Variants in ASIC2 observed in about 807,000 individuals in gnomAD.
The protein encoded by ASIC2 is acid-sensing ion channel 2.
In ASIC2, 25 loss-of-function variants were observed where a neutral mutation model predicts 57.3. The ratio of observed to expected loss-of-function variants is 0.44; its 90% CI spans 0.32 to 0.61. The LOEUF (loss-of-function observed/expected upper bound fraction) is 0.61. Among genes scored for constraint, ASIC2 ranks in the 20% least tolerant of loss-of-function variants. The probability of loss-of-function intolerance (pLI) is 0.06; values close to 1 mark genes in which losing one functional copy is unlikely to be tolerated. For synonymous variants in ASIC2, 319 were observed against 307.5 expected, an observed-to-expected ratio of 1.04 and a Z score of -0.39; for missense variants, 641 against 738.1, an observed-to-expected ratio of 0.87 and a Z score of 1.52.
At chr17:33,144,843 T>C (rs8077182) in intron 1 of ASIC2, among the ~76,000 whole-genome samples, 46,612 of 151,936 alleles carry the variant, frequency 0.31, 7,463 homozygotes, top group East Asian at 0.4. Flanking sequence ...GAAAACTCAC[T>C]CTCCTGAAGA....
intron 1 of ASIC2, among the ~76,000 whole-genome samples, chr17:33,132,963 T>C (rs1050936942): frequency 1.3e-5 from 2 of 152,236 alleles, no homozygotes; most frequent in Non-Finnish European, 2.9e-5. Context: ...AGGTCGTTTA[T>C]ATAGACAGAT....
At chr17:33,640,600 G>A (rs565781956) in intron 1 of ASIC2, among the ~76,000 whole-genome samples, 2 of 152,210 alleles carry the variant, frequency 1.3e-5, no homozygotes, top group South Asian at 4.1e-4. Flanking sequence ...ACTTTTAAGA[G>A]TTCTTATTCA....
chr17:33,591,033 A>G (rs1467873672), intron 1 of ASIC2, among the ~76,000 whole-genome samples: 1 of 152,166 alleles, frequency 6.6e-6, no homozygotes, highest in African/African-American at 2.4e-5. Flanking sequence ...CAACGTGCTC[A>G]AATGCTTGAT....
intron 5 of ASIC2, 105 bp downstream of exon 5, chr17:33,025,821 T>C (rs1158122646): frequency 4.3e-6 from 5 of 1,149,656 alleles, no homozygotes; most frequent in East Asian, 5.4e-5. Context: ...TCATCCTCTC[T>C]CCATTCCTTC....
intron 1 of ASIC2, among the ~76,000 whole-genome samples, chr17:33,389,645 A>T (rs1340306906): frequency 1.3e-5 from 2 of 152,252 alleles, no homozygotes; most frequent in African/African-American, 4.8e-5. Flanking sequence ...CCCATTAGTT[A>T]AATCTGTCTG....
chr17:33,549,508 C>G (rs941862374), intron 1 of ASIC2, among the ~76,000 whole-genome samples: 1 of 152,144 alleles, frequency 6.6e-6, no homozygotes, highest in East Asian at 1.9e-4. Flanking sequence ...TTTTTTCTTA[C>G]CTGCTTTAAC....
chr17:33,126,153 G>C (rs1399621155), intron 1 of ASIC2, among the ~76,000 whole-genome samples: 1 of 152,200 alleles, frequency 6.6e-6, no homozygotes. Flanking sequence ...TGGGGTTCAG[G>C]GAAGGTGAGT....
intron 1 of ASIC2, among the ~76,000 whole-genome samples, chr17:33,208,133 G>C: frequency 6.6e-6 from 1 of 152,204 alleles, no homozygotes; most frequent in East Asian, 1.9e-4. Flanking sequence ...GGGAGGTAAA[G>C]GGAAGGGTGT....
chr17:33,235,996 C>G (rs549111142), intron 1 of ASIC2, among the ~76,000 whole-genome samples: 1 of 152,068 alleles, frequency 6.6e-6, no homozygotes, highest in Admixed American at 6.6e-5. Flanking sequence ...ACCATCACAC[C>G]CAGCTAATCT....
At chr17:33,423,229 G>C (rs1882499258) in intron 1 of ASIC2, among the ~76,000 whole-genome samples, 1 of 152,112 alleles carries the variant, frequency 6.6e-6, no homozygotes, top group African/African-American at 2.4e-5. Flanking sequence ...CCTAGGTCTT[G>C]GTATGTTTTA....
chr17:33,804,065 G>T (rs1006761828), intron 1 of ASIC2, among the ~76,000 whole-genome samples: 1 of 152,170 alleles, frequency 6.6e-6, no homozygotes, highest in Non-Finnish European at 1.5e-5. Flanking sequence ...GTCAGCTTGA[G>T]ACCTTTCCCT....
chr17:33,181,853 C>A (rs1385309673), intron 1 of ASIC2, among the ~76,000 whole-genome samples: 1 of 152,224 alleles, frequency 6.6e-6, no homozygotes, highest in Non-Finnish European at 1.5e-5. Context: ...ACCACACCCC[C>A]AGCCTGCTTG....
At chr17:33,776,625 C>T (rs913412356) in intron 1 of ASIC2, among the ~76,000 whole-genome samples, 2 of 152,140 alleles carry the variant, frequency 1.3e-5, no homozygotes, top group Non-Finnish European at 2.9e-5. Flanking sequence ...CTCTGTGAAT[C>T]GAGGCCAAAG....
intron 1 of ASIC2, among the ~76,000 whole-genome samples, chr17:33,759,321 A>G (rs1226326168): frequency 1.3e-5 from 2 of 152,202 alleles, no homozygotes; most frequent in Admixed American, 1.3e-4. Context: ...AAAAATTTCT[A>G]AACAGCAAAA....
chr17:33,949,194 A>T (rs1211001091), intron 1 of ASIC2, among the ~76,000 whole-genome samples: 1 of 152,068 alleles, frequency 6.6e-6, no homozygotes, highest in Non-Finnish European at 1.5e-5. Context: ...AGTTTTCTTC[A>T]GCGTAATAGG....
intron 1 of ASIC2, chr17:34,004,504 C>T (rs1235266054): frequency 1.3e-5 from 2 of 152,216 alleles, no homozygotes; most frequent in Non-Finnish European, 2.9e-5. Context: ...ACTATAGTTC[C>T]CTCCTCCAAA....
At chr17:33,962,927 C>G (rs1272596345) in intron 1 of ASIC2, among the ~76,000 whole-genome samples, 1 of 152,130 alleles carries the variant, frequency 6.6e-6, no homozygotes, top group Non-Finnish European at 1.5e-5. Flanking sequence ...TCTGCATCCC[C>G]CTTCCTTCCT....
chr17:33,027,431 C>T (rs2091863850), intron 4 of ASIC2, among the ~76,000 whole-genome samples: 1 of 152,178 alleles, frequency 6.6e-6, no homozygotes, highest in East Asian at 1.9e-4. Context: ...AACAACATTC[C>T]CGGCACATAG....
intron 7 of ASIC2, among the ~76,000 whole-genome samples, chr17:33,017,951 C>T (rs530277414): frequency 6.6e-5 from 10 of 152,290 alleles, no homozygotes; most frequent in South Asian, 4.1e-4. Flanking sequence ...ACAGGGCTAA[C>T]GGGGTTGTTT....
Sources: gnomAD v4.1 joint callset for allele counts (sites outside exome capture counted in the v4.1 genomes callset) on GRCh38, gnomAD v4.1.1 for gene constraint, MANE v1.5 for transcripts, NCBI Gene and HGNC (gene_info 2026-07-23, HGNC 2026-07-21) for gene names.